RIMS2: variants seen among roughly 807,000 people sequenced by gnomAD.
RIMS2 encodes regulating synaptic membrane exocytosis protein 2.
A neutral mutation model predicts 174.4 loss-of-function variants in RIMS2; 59 were observed. The observed-to-expected ratio is 0.34, with a 90% CI of 0.27 to 0.42. The LOEUF (loss-of-function observed/expected upper bound fraction) is 0.42. Among genes scored for constraint, RIMS2 ranks in the 10% least tolerant of loss-of-function variants. The pLI is 1.00. For missense variants in RIMS2, 1,620 were observed against 1,666.3 expected, an observed-to-expected ratio of 0.97 and a Z score of 0.48; for synonymous variants, 606 against 572.5, an observed-to-expected ratio of 1.06 and a Z score of -0.84.
At chr8:104,008,809 A>G (rs2095667756) in intron 17 of RIMS2, among the ~76,000 whole-genome samples, 1 of 151,996 alleles carries the variant, frequency 6.6e-6, no homozygotes, top group Admixed American at 6.6e-5. Context: ...GTCATCTTTG[A>G]ATAAGCTTAT....
At chr8:103,544,287 G>T (rs903586733) in intron 1 of RIMS2, among the ~76,000 whole-genome samples, 7 of 152,172 alleles carry the variant, frequency 4.6e-5, no homozygotes, top group African/African-American at 1.7e-4. Flanking sequence ...GGCAACGCCT[G>T]CTACAGCTTC....
intron 1 of RIMS2, among the ~76,000 whole-genome samples, chr8:103,517,921 TAA>T (rs5893659): frequency 1.3e-5 from 2 of 148,722 alleles, no homozygotes; most frequent in South Asian, 2.1e-4. Context: ...GCTGATGAGC[TAA>T]AAAAAAAAAA....
intron 1 of RIMS2, among the ~76,000 whole-genome samples, chr8:103,621,034 A>G (rs976965094): frequency 1.3e-5 from 2 of 152,256 alleles, no homozygotes; most frequent in Non-Finnish European, 2.9e-5. Context: ...ATAAAACAGT[A>G]AATTGAAAAA....
intron 1 of RIMS2, among the ~76,000 whole-genome samples, chr8:103,597,706 A>G (rs570513691): frequency 1.9e-3 from 280 of 150,590 alleles, no homozygotes; most frequent in Non-Finnish European, 2.1e-3. Context: ...ATAGGTAACT[A>G]TAAAGGCACC....
chr8:103,717,437 A>G (rs148593217), intron 2 of RIMS2, among the ~76,000 whole-genome samples: 3 of 152,136 alleles, frequency 2.0e-5, no homozygotes, highest in African/African-American at 7.2e-5. Context: ...TCCCTAGAGA[A>G]CCTATAAGCT....
At chr8:103,682,837 G>C (rs2096896563) in intron 1 of RIMS2, among the ~76,000 whole-genome samples, 1 of 152,088 alleles carries the variant, frequency 6.6e-6, no homozygotes, top group Non-Finnish European at 1.5e-5. Flanking sequence ...CTGTATCTCT[G>C]TTCTTCCTAC....
At chr8:103,675,690 A>G (rs1157671815) in intron 1 of RIMS2, among the ~76,000 whole-genome samples, 1 of 152,180 alleles carries the variant, frequency 6.6e-6, no homozygotes, top group African/African-American at 2.4e-5. Context: ...TTTAACTGAC[A>G]ATTATGAAGC....
chr8:103,623,603 G>A (rs1205579799), intron 1 of RIMS2, among the ~76,000 whole-genome samples: 1 of 146,492 alleles, frequency 6.8e-6, no homozygotes, highest in South Asian at 2.2e-4. Context: ...TCCTGCCTCA[G>A]CCTCCCGAGT....
chr8:103,962,724 A>G (rs539927792), intron 15 of RIMS2, among the ~76,000 whole-genome samples: 47 of 152,238 alleles, frequency 3.1e-4, no homozygotes, highest in African/African-American at 1.1e-3. Context: ...CCCCAGGCTC[A>G]TTTGACCCTC....
chr8:103,789,512 A>C (rs1280255980), intron 3 of RIMS2, among the ~76,000 whole-genome samples: 1 of 152,068 alleles, frequency 6.6e-6, no homozygotes, highest in Non-Finnish European at 1.5e-5. Context: ...TTGTCATATA[A>C]TGTAACCTAA....
At chr8:103,751,489 A>G (rs1319281496) in intron 2 of RIMS2, among the ~76,000 whole-genome samples, 1 of 151,748 alleles carries the variant, frequency 6.6e-6, no homozygotes, top group Non-Finnish European at 1.5e-5. Context: ...GTCAAATGGT[A>G]TTTCTAGTTC....
chr8:103,998,146 T>G, intron 17 of RIMS2: 1 of 1,437,108 alleles, frequency 7.0e-7, no homozygotes, highest in Non-Finnish European at 9.6e-7. Context: ...ACTTCTTTCT[T>G]GAGTCTTATT....
intron 2 of RIMS2, among the ~76,000 whole-genome samples, chr8:103,718,158 A>T (rs529017671): frequency 6.6e-6 from 1 of 152,274 alleles, no homozygotes; most frequent in East Asian, 1.9e-4. Flanking sequence ...GCCAAGGAGG[A>T]TAATAGGCAA....
At chr8:103,997,295 G>A (rs2095164943) in intron 17 of RIMS2, among the ~76,000 whole-genome samples, 1 of 151,758 alleles carries the variant, frequency 6.6e-6, no homozygotes, top group African/African-American at 2.4e-5. Flanking sequence ...GGTCATATGG[G>A]AAGCAGGATT....
At chr8:103,923,907 T>C (rs1293144676) in intron 10 of RIMS2, among the ~76,000 whole-genome samples, 1 of 151,704 alleles carries the variant, frequency 6.6e-6, no homozygotes, top group Non-Finnish European at 1.5e-5. Flanking sequence ...AAAGAAATAC[T>C]CTTTCGAATC....
chr8:104,100,208 A>C (rs1355183277), intron 19 of RIMS2, among the ~76,000 whole-genome samples: 1 of 152,150 alleles, frequency 6.6e-6, no homozygotes, highest in African/African-American at 2.4e-5. Flanking sequence ...TATTTTGTTT[A>C]GATGCTATTG....
chr8:103,768,872 A>G (rs1353407247), intron 3 of RIMS2: 2 of 532,964 alleles, frequency 3.8e-6, no homozygotes, highest in Admixed American at 5.3e-5. Context: ...GAGAAGCAGC[A>G]TACTAAGAAA....
chr8:103,713,525 C>G (rs2097333473), intron 2 of RIMS2, among the ~76,000 whole-genome samples: 1 of 152,078 alleles, frequency 6.6e-6, no homozygotes, highest in Non-Finnish European at 1.5e-5. Context: ...GATTTCTTTC[C>G]TTTCCCCAAA....
intron 19 of RIMS2, among the ~76,000 whole-genome samples, chr8:104,034,834 T>C (rs1414236873): frequency 1.3e-5 from 2 of 152,184 alleles, no homozygotes; most frequent in African/African-American, 4.8e-5. Flanking sequence ...AAATGTAATA[T>C]TTATCATATT....
Sources: gnomAD v4.1 joint callset for allele counts (sites outside exome capture counted in the v4.1 genomes callset) on GRCh38, gnomAD v4.1.1 for gene constraint, MANE v1.5 for transcripts, NCBI Gene and HGNC (gene_info 2026-07-23, HGNC 2026-07-21) for gene names.